The following ACER3 variants were observed in gnomAD, a reference collection of about 807,000 sequenced individuals.
ACER3 encodes alkaline ceramidase 3, also known as alkCDase 3.
A neutral mutation model predicts 48.9 loss-of-function variants in ACER3; 16 were observed. The observed-to-expected ratio is 0.33, with a 90% confidence interval of 0.22 to 0.50. ACER3 has a LOEUF of 0.50. Ranked by LOEUF, ACER3 falls within the 20% of genes least tolerant of loss-of-function variation. The pLI is 0.98. For missense variants in ACER3, 227 were observed against 326.0 expected (o/e 0.70, Z 2.34); for synonymous variants, 109 against 107.8 (o/e 1.01, Z -0.07).
intron 3 of ACER3, among the ~76,000 whole-genome samples, chr11:76,971,558 C>T (rs573872956): frequency 2.0e-5 from 3 of 151,678 alleles, no homozygotes; most frequent in African/African-American, 4.8e-5. Context: ...AAAAAAAAAC[C>T]GATAATAGAT....
chr11:76,936,212 T>G (rs1430537737), intron 2 of ACER3, among the ~76,000 whole-genome samples: 1 of 152,180 alleles, frequency 6.6e-6, no homozygotes, highest in Non-Finnish European at 1.5e-5. Context: ...AGTATAGCAC[T>G]GATATTCCAA....
In ACER3 at chr11:76,875,107, C is replaced by CTTTTTTTTTTTTTTTTTTTTT. The variant is rs10676364; in HGVS notation, c.103+14034_103+14054dup. ...TTCTAACATGGCATGAAAAGCACTT[C>CTTTTTTTTTTTTTTTTTTTTT]TTTTTTTTTTTTTTTTTTTTTTTTT... On this transcript the variant is annotated intron_variant, in intron 1 of 10. Coordinates refer to ENST00000532485, the MANE Select transcript of ACER3 (RefSeq NM_018367.7). 1.3e-4 allele frequency among the ~76,000 whole-genome samples: 10 copies of CTTTTTTTTTTTTTTTTTTTTT among 78,092 alleles called. 2 individuals carry two copies. The highest frequency in any genetic ancestry group is 2.5e-4 in the African/African-American group (7 of 27,808). 51.2% of individuals were successfully genotyped at this position (78,092 alleles called of 152,430 possible).
intron 1 of ACER3, among the ~76,000 whole-genome samples, chr11:76,906,892 A>G (rs1164136289): frequency 1.3e-5 from 2 of 152,140 alleles, no homozygotes; most frequent in Admixed American, 6.5e-5. Flanking sequence ...TTTTGTATTC[A>G]TTCAAATAAA....
chr11:76,930,021 T>C (rs931352988), intron 2 of ACER3, among the ~76,000 whole-genome samples: 3 of 151,052 alleles, frequency 2.0e-5, no homozygotes, highest in Admixed American at 6.6e-5. Context: ...TTTCTGTTGA[T>C]TGGAATAGTT....
chr11:76,963,092 A>T (rs1948038954), intron 3 of ACER3, among the ~76,000 whole-genome samples: 1 of 151,344 alleles, frequency 6.6e-6, no homozygotes, highest in Admixed American at 6.6e-5. Context: ...ATAAGCAGGC[A>T]AGGCAGGAAA....
intron 2 of ACER3, among the ~76,000 whole-genome samples, chr11:76,958,123 T>C (rs1349358014): frequency 6.6e-6 from 1 of 151,586 alleles, no homozygotes; most frequent in African/African-American, 2.4e-5. Context: ...TTTTTACTAT[T>C]TTTCCCAGTC....
chr11:76,995,750 A>G (rs528220525), intron 6 of ACER3, among the ~76,000 whole-genome samples: 26 of 152,316 alleles, frequency 1.7e-4, no homozygotes, highest in Middle Eastern at 3.4e-3. Flanking sequence ...GGGAGCATCA[A>G]AAGTATGGGG....
intron 2 of ACER3, among the ~76,000 whole-genome samples, chr11:76,943,148 T>C (rs972090710): frequency 7.2e-5 from 11 of 151,986 alleles, no homozygotes; most frequent in South Asian, 2.1e-4. Context: ...TTTGCTTTTT[T>C]TGTTTGTTTC....
intron 1 of ACER3, among the ~76,000 whole-genome samples, chr11:76,890,704 T>C (rs1355553731): frequency 1.3e-5 from 2 of 152,222 alleles, no homozygotes; most frequent in African/African-American, 4.8e-5. Flanking sequence ...GTACCAAACA[T>C]CTACTATATG....
intron 1 of ACER3, among the ~76,000 whole-genome samples, chr11:76,865,236 C>A (rs140788618): frequency 6.6e-6 from 1 of 151,582 alleles, no homozygotes; most frequent in East Asian, 2.0e-4. Flanking sequence ...CCTCCCACCT[C>A]AGCCTCCCAA....
chr11:76,904,429 C>A (rs603610), intron 1 of ACER3, among the ~76,000 whole-genome samples: 1 of 151,880 alleles, frequency 6.6e-6, no homozygotes, highest in African/African-American at 2.4e-5. Context: ...TGCCACCCCC[C>A]ATAAAGATGT....
chr11:76,892,049 A>T (rs1945820160), intron 1 of ACER3, among the ~76,000 whole-genome samples: 1 of 152,190 alleles, frequency 6.6e-6, no homozygotes, highest in African/African-American at 2.4e-5. Flanking sequence ...CAGCATAAAC[A>T]ATACAGCTTC....
chr11:76,917,859 C>CA (rs5792749), intron 1 of ACER3, among the ~76,000 whole-genome samples: 209 of 112,970 alleles, frequency 1.9e-3, no homozygotes, highest in Middle Eastern at 4.1e-3. Flanking sequence ...GACCCTGTCT[C>CA]AAAAAAAAAA....
intron 1 of ACER3, among the ~76,000 whole-genome samples, chr11:76,910,415 A>G (rs900375728): frequency 1.3e-5 from 2 of 152,128 alleles, no homozygotes; most frequent in Non-Finnish European, 2.9e-5. Context: ...ATGTTTTTCT[A>G]AGATATTTCA....
At chr11:76,866,874 A>C (rs949460269) in intron 1 of ACER3, among the ~76,000 whole-genome samples, 7 of 152,196 alleles carry the variant, frequency 4.6e-5, no homozygotes, top group African/African-American at 1.7e-4. Context: ...CTGTTGGTTT[A>C]ATGGAAGAAA....
intron 2 of ACER3, among the ~76,000 whole-genome samples, chr11:76,954,003 A>C (rs1204768081): frequency 6.7e-6 from 1 of 148,360 alleles, no homozygotes; most frequent in Non-Finnish European, 1.5e-5. Flanking sequence ...GCTAGAGTGC[A>C]ATGGCGCAAT....
intron 1 of ACER3, among the ~76,000 whole-genome samples, chr11:76,885,363 A>G (rs1289643714): frequency 6.6e-6 from 1 of 152,106 alleles, no homozygotes; most frequent in African/African-American, 2.4e-5. Context: ...TGCATATGCC[A>G]TGCTGGTTTG....
intron 2 of ACER3, among the ~76,000 whole-genome samples, chr11:76,934,396 C>A (rs1285121497): frequency 6.6e-6 from 1 of 152,166 alleles, no homozygotes. Flanking sequence ...AGCCTGGGCA[C>A]CATTGAGCAC....
At chr11:76,897,415 G>A (rs1240531628) in intron 1 of ACER3, among the ~76,000 whole-genome samples, 4 of 152,064 alleles carry the variant, frequency 2.6e-5, no homozygotes, top group Non-Finnish European at 5.9e-5. Flanking sequence ...AAGATCCATT[G>A]GCCTTTCTTG....
Sources: allele counts gnomAD v4.1 joint callset (sites outside exome capture counted in the v4.1 genomes callset), GRCh38; gene constraint gnomAD v4.1.1; transcripts MANE v1.5; gene names NCBI Gene and HGNC (gene_info 2026-07-23, HGNC 2026-07-21).